The following EIF4G1 variants were observed in gnomAD, a reference collection of about 807,000 sequenced individuals.
EIF4G1 encodes eukaryotic translation initiation factor 4 gamma 1, also known as EIF4-gamma.
A neutral mutation model predicts 187.8 loss-of-function variants in EIF4G1; 4 were observed. That is an observed-to-expected ratio of 0.02 (90% CI 0.01 to 0.05). The LOEUF (loss-of-function observed/expected upper bound fraction) is 0.05, where lower values mean the gene tolerates loss of function less well. Among genes scored for constraint, EIF4G1 ranks in the 10% least tolerant of loss-of-function variants. EIF4G1 has a pLI of 1.00. For missense variants in EIF4G1, 1,647 were observed against 2,081.1 expected, an observed-to-expected ratio of 0.79 and a Z score of 4.06; for synonymous variants, 844 against 781.4, an observed-to-expected ratio of 1.08 and a Z score of -1.34.
In EIF4G1 at chr3:184,326,027, G is replaced by A. The variant is rs77414982; in HGVS notation, c.3222+76G>A. The A allele has an allele frequency of 3.9e-3, 5,785 of 1,467,382 alleles. 17 individuals carry two copies. Among genetic ancestry groups the A allele is most frequent in the Non-Finnish European group, 4.7e-3 (4,925 of 1,048,406 alleles). The allele number at this position is 1,467,382 out of a possible 1,614,324, so 90.9% of individuals were successfully genotyped here. A position where few individuals can be genotyped will look rare whatever the true frequency, so the allele number is the denominator to read the frequency against. On this transcript the variant is annotated intron_variant, in intron 21 of 32. Transcript: ENST00000346169. ...CCCTTCACTTTTCTAAAGTTGAGAA[G>A]GTGACAGCTGAATGTTTCCTCTTAG...
chr3:184,315,807 C>T lies in EIF4G1; in HGVS notation c.11C>T (p.Ala4Val), dbSNP rs776559897. Residue 4 changes from alanine (A) to valine (V), a missense_variant, in exon 3 of 33, where the codon GCT (alanine) becomes GTT (valine). By Grantham distance (64) the Ala-to-Val change is moderately conservative (BLOSUM62 0). Around this residue, in one of 11 missense-constraint regions of EIF4G1, gnomAD observed 61 missense variants for 49.5 expected, o/e 1.23. Transcript: ENST00000346169. ...GTGGCACCAAATGAAATGAACAAAG[C>T]TCCACAGTCCACAGGCCCCCCACCC... The part of the protein sequence containing the change: MNK[A>V]PQSTGPPPAP... The T allele has an allele frequency of 1.3e-6, 2 of 1,551,768 alleles. No homozygotes were observed. The highest frequency in any genetic ancestry group is 2.4e-5 in the East Asian group (1 of 40,970).
chr3:184,319,609 G>A, intron 6 of EIF4G1, 80 bp from the exon 7 acceptor site: 4 of 940,464 alleles, frequency 4.3e-6, no homozygotes, highest in South Asian at 2.8e-5. Context: ...AGGTTTTGGG[G>A]TGGGAGGTGT....
intron 4 of EIF4G1, chr3:184,316,679 A>G (rs1481664345): frequency 1.3e-6 from 2 of 1,587,292 alleles, no homozygotes; most frequent in Non-Finnish European, 1.7e-6. Context: ...CCTTGGGGGT[A>G]ATTCTCTTCT....
rs1249643948 is a variant in EIF4G1 at position 184,332,099 on chromosome 3, C to T, written c.4618+13C>T. The T allele has an allele frequency of 1.1e-5, 17 of 1,613,970 alleles. No individual in the cohort carries two copies. Among genetic ancestry groups the T allele is most frequent in the Non-Finnish European group, 1.4e-5 (17 of 1,180,010 alleles). The stretch of plus-strand genomic sequence containing the variant: ...GAACAGCCTCCCAGTAAGAGCCAGG[C>T]CATGGGGACAGGGGTGGGGTGGAGG... On this transcript the variant is annotated intron_variant, in intron 32 of 32. Coordinates refer to ENST00000346169, the MANE Select transcript of EIF4G1 (RefSeq NM_198241.3).
At chr3:184,333,204 C>G (rs1190405171) in intron 32 of EIF4G1, among the ~76,000 whole-genome samples, 1 of 152,112 alleles carries the variant, frequency 6.6e-6, no homozygotes, top group Non-Finnish European at 1.5e-5. Context: ...GTTTTTAAAT[C>G]ACAGTGGGCT....
At chr3:184,330,659 G>C (rs1725880675) in intron 28 of EIF4G1, among the ~76,000 whole-genome samples, 1 of 152,056 alleles carries the variant, frequency 6.6e-6, no homozygotes, top group African/African-American at 2.4e-5. Flanking sequence ...GTTAGAAGTT[G>C]TCCCTTCCTA....
chr3:184,317,201 G>T, intron 4 of EIF4G1, 120 bp from the exon 5 acceptor site: 3 of 1,186,484 alleles, frequency 2.5e-6, no homozygotes, highest in African/African-American at 1.5e-5. Flanking sequence ...TGGAAGGATT[G>T]GTCGCCATGT....
chr3:184,322,220 T>C (rs1056642534), intron 10 of EIF4G1, 117 bp downstream of exon 10: 1 of 1,561,188 alleles, frequency 6.4e-7, no homozygotes, highest in Non-Finnish European at 8.8e-7. Flanking sequence ...ATCTAAGAAC[T>C]AGATTAAGGA....
At chr3:184,331,176 A>C in intron 28 of EIF4G1, 90 bp from the exon 29 acceptor site, 1 of 1,366,616 alleles carries the variant, frequency 7.3e-7, no homozygotes, top group Non-Finnish European at 1.0e-6. Flanking sequence ...GTAGGCTTTC[A>C]GTAAATATTT....
chr3:184,333,048 G>A (rs1217779211), intron 32 of EIF4G1, among the ~76,000 whole-genome samples: 1 of 152,184 alleles, frequency 6.6e-6, no homozygotes, highest in East Asian at 1.9e-4. Flanking sequence ...GGCAGTGTTA[G>A]CACCAGTGGC....
chr3:184,329,155 C>G, intron 28 of EIF4G1, 165 bp downstream of exon 28: 1 of 780,228 alleles, frequency 1.3e-6, no homozygotes, highest in Non-Finnish European at 2.1e-6. Flanking sequence ...CTCCCGCACA[C>G]CAGTTCCTAT....
chr3:184,317,693 C>G, intron 5 of EIF4G1, 24 bp from the exon 6 acceptor site: 1 of 1,602,818 alleles, frequency 6.2e-7, no homozygotes, highest in East Asian at 2.2e-5. Context: ...AACTCCTTCT[C>G]TCCCTCTCCC....
chr3:184,316,323 A>G (rs2108459066), intron 4 of EIF4G1, 105 bp downstream of exon 4: 3 of 1,424,868 alleles, frequency 2.1e-6, no homozygotes, highest in East Asian at 4.9e-5. Flanking sequence ...ACCTGGCCTT[A>G]ATCCTCTGTG....
intron 28 of EIF4G1, 38 bp from the exon 29 acceptor site, chr3:184,331,228 A>C (rs1219269964): frequency 1.9e-6 from 3 of 1,606,140 alleles, no homozygotes; most frequent in Non-Finnish European, 1.7e-6. Flanking sequence ...TTGGAGAGAG[A>C]GAGCTTTGGT....
At chr3:184,322,510 T>C (rs1724094790) in intron 11 of EIF4G1, 34 bp from the exon 12 acceptor site, 2 of 1,613,940 alleles carry the variant, frequency 1.2e-6, no homozygotes, top group Non-Finnish European at 1.7e-6. Flanking sequence ...CAGTGGTCAT[T>C]CTGCAACCAA....
Position 184,335,104 on chromosome 3 carries a change from C to T in EIF4G1, c.*196C>T, listed in dbSNP as rs1726873616. On this transcript the variant is annotated 3_prime_UTR_variant, in exon 33 of 33. Coordinates refer to ENST00000346169, the MANE Select transcript of EIF4G1 (RefSeq NM_198241.3). ...CCCCCTCCAGGATGCCGCCAGGTGTCCCTCTCCTCCCCCTGGGGCACAGAG... is the reference window on the plus strand; with the variant it reads ...CCCCCTCCAGGATGCCGCCAGGTGTTCCTCTCCTCCCCCTGGGGCACAGAG... 1.4e-5 allele frequency: 9 copies of T among 648,690 alleles called. No individual in the cohort carries two copies. In the South Asian group the frequency reaches 1.6e-4, roughly 12 times the overall value. 40.2% of individuals were successfully genotyped at this position (648,690 alleles called of 1,614,324 possible).
intron 32 of EIF4G1, among the ~76,000 whole-genome samples, chr3:184,333,167 T>G (rs1243717306): frequency 1.3e-5 from 2 of 152,074 alleles, no homozygotes; most frequent in African/African-American, 2.4e-5. Context: ...CGTGAGAGAT[T>G]AGAAGTCATG....
At position 184,326,444 on chromosome 3, in the gene EIF4G1, A is replaced by G. The variant is rs753234374; in HGVS notation, c.3223-83A>G. 99 of 1,424,788 alleles carry G rather than the reference A, an allele frequency of 6.9e-5. No individual in the cohort carries two copies. In the Admixed American group the frequency reaches 8.0e-4, roughly 12 times the overall value. 88.3% of individuals were successfully genotyped at this position (1,424,788 alleles called of 1,614,324 possible). On this transcript the variant is annotated intron_variant, in intron 21 of 32. Transcript: ENST00000346169. ...TGACCCCTGGACTGGGCCATTCACTACCTGTTTGGTTGCATATGGTGGTGC... is the reference window on the plus strand; with the variant it reads ...TGACCCCTGGACTGGGCCATTCACTGCCTGTTTGGTTGCATATGGTGGTGC...
rs11559210 is a variant in EIF4G1, at chr3:184,334,992, G to A, written c.*84G>A. On this transcript the variant is annotated 3_prime_UTR_variant, in exon 33 of 33. Coordinates refer to ENST00000346169, the MANE Select transcript of EIF4G1 (RefSeq NM_198241.3). This position sits in a 1 kb window ranked among gnomAD's most constrained non-coding sequence, Gnocchi z 5.8. ...CCTGGACTGCAGGGGGGCGGCAGCA[G>A]CGGCGGTGGCAGTGGGTGCCTGTAG... The A allele has an allele frequency of 1.3e-6, 2 of 1,566,670 alleles. No homozygotes were observed. The highest frequency in any genetic ancestry group is 1.1e-5 in the South Asian group (1 of 88,560).
Sources: allele counts gnomAD v4.1 joint callset (sites outside exome capture counted in the v4.1 genomes callset), GRCh38; gene constraint gnomAD v4.1.1; regional missense constraint gnomAD v4.1.1; non-coding constraint Gnocchi (gnomAD v3.1); transcripts MANE v1.5; gene names NCBI Gene and HGNC (gene_info 2026-07-23, HGNC 2026-07-21).